Variants in WDFY2 observed in about 807,000 individuals in gnomAD.
WDFY2 encodes the protein WD repeat and FYVE domain-containing protein 2.
A neutral mutation model predicts 56.4 loss-of-function variants in WDFY2; 36 were observed. That is an observed-to-expected ratio of 0.64 (90% CI 0.49 to 0.84). The LOEUF is 0.84. Among genes scored for constraint, WDFY2 ranks in the 40% least tolerant of loss-of-function variants. The probability of loss-of-function intolerance (pLI) is 0.00; values close to 1 mark genes in which losing one functional copy is unlikely to be tolerated. For synonymous variants in WDFY2, 176 were observed against 183.7 expected, an observed-to-expected ratio of 0.96 and a Z score of 0.34; for missense variants, 444 against 512.2, an observed-to-expected ratio of 0.87 and a Z score of 1.29.
Position 51,758,220 on chromosome 13 carries a change from A to C in WDFY2, c.1093A>C (p.Ser365Arg). The C allele has an allele frequency of 6.3e-7, 1 of 1,591,696 alleles. No homozygotes were observed. Among genetic ancestry groups the C allele is most frequent in the Non-Finnish European group, 8.6e-7 (1 of 1,163,134 alleles). Residue 365 changes from serine (S) to arginine (R), a missense_variant, in exon 11 of 12, where the codon AGT (serine) becomes CGT (arginine). Transcript: ENST00000298125. Reference protein sequence around the residue: ...ERAPTATFHDSKHNIVHVHFD... With the variant: ...ERAPTATFHDRKHNIVHVHFD... ...TGCACCCACAGCCACCTTCCATGACAGTAAACATAACATTGTGCATGTGCA... is the reference window on the plus strand; with the variant it reads ...TGCACCCACAGCCACCTTCCATGACCGTAAACATAACATTGTGCATGTGCA...
At chr13:51,652,296 G>A (rs1955406691) in intron 1 of WDFY2, among the ~76,000 whole-genome samples, 1 of 152,146 alleles carries the variant, frequency 6.6e-6, no homozygotes, top group South Asian at 2.1e-4. Flanking sequence ...GCCTATGTGT[G>A]TCTCTGCATG....
chr13:51,696,096 G>C (rs1205090592), intron 3 of WDFY2, among the ~76,000 whole-genome samples: 2 of 152,220 alleles, frequency 1.3e-5, no homozygotes, highest in South Asian at 4.1e-4. Flanking sequence ...TTCTTTGACT[G>C]GGAAAGGGAA....
At chr13:51,699,144 G>T (rs946608534) in intron 3 of WDFY2, among the ~76,000 whole-genome samples, 4 of 152,190 alleles carry the variant, frequency 2.6e-5, no homozygotes, top group African/African-American at 9.7e-5. Context: ...GCTCTGCAAG[G>T]CCACAGATCT....
intron 1 of WDFY2, among the ~76,000 whole-genome samples, chr13:51,629,639 A>G (rs1375463852): frequency 6.6e-6 from 1 of 152,154 alleles, no homozygotes; most frequent in Non-Finnish European, 1.5e-5. Flanking sequence ...TTTTTATACA[A>G]AACTACTGTG....
intron 1 of WDFY2, among the ~76,000 whole-genome samples, chr13:51,630,508 ATTCT>A (rs1375654266): frequency 6.7e-6 from 1 of 148,278 alleles, no homozygotes; most frequent in African/African-American, 2.5e-5. Context: ...TGCCCGCAAC[ATTCT>A]TTCTTTCTTT....
intron 1 of WDFY2, among the ~76,000 whole-genome samples, chr13:51,657,883 T>G (rs1955540229): frequency 1.3e-5 from 2 of 152,358 alleles, no homozygotes; most frequent in Non-Finnish European, 2.9e-5. Flanking sequence ...CTTTGTCTTT[T>G]TAAAACTGTT....
intron 4 of WDFY2, among the ~76,000 whole-genome samples, chr13:51,705,485 A>G (rs1050293962): frequency 1.3e-5 from 2 of 152,086 alleles, no homozygotes; most frequent in African/African-American, 4.8e-5. Flanking sequence ...CACTGTTCTT[A>G]TATAGGGTGA....
intron 9 of WDFY2, among the ~76,000 whole-genome samples, chr13:51,755,674 G>C (rs894655544): frequency 1.3e-5 from 2 of 152,124 alleles, no homozygotes; most frequent in African/African-American, 4.8e-5. Flanking sequence ...TAAGCAGTTA[G>C]GGATGTGATT....
At chr13:51,696,030 A>G (rs976190840) in intron 3 of WDFY2, among the ~76,000 whole-genome samples, 6 of 152,182 alleles carry the variant, frequency 3.9e-5, no homozygotes, top group African/African-American at 9.6e-5. Flanking sequence ...CCCATCGGAA[A>G]AGTGCAGTAT....
At chr13:51,693,569 C>G (rs1951794648) in intron 3 of WDFY2, among the ~76,000 whole-genome samples, 1 of 151,868 alleles carries the variant, frequency 6.6e-6, no homozygotes, top group South Asian at 2.1e-4. Flanking sequence ...AATTTCTGTT[C>G]TTTTACATTT....
At chr13:51,745,364 A>G (rs1226054987) in intron 7 of WDFY2, among the ~76,000 whole-genome samples, 1 of 152,222 alleles carries the variant, frequency 6.6e-6, no homozygotes, top group African/African-American at 2.4e-5. Flanking sequence ...CTGCAGTCCA[A>G]AGGAAAATCC....
At chr13:51,652,870 A>C (rs1474297135) in intron 1 of WDFY2, among the ~76,000 whole-genome samples, 1 of 152,026 alleles carries the variant, frequency 6.6e-6, no homozygotes, top group Non-Finnish European at 1.5e-5. Flanking sequence ...GGTGAATCTG[A>C]TAATTATGTG....
intron 1 of WDFY2, among the ~76,000 whole-genome samples, chr13:51,613,910 G>A (rs956364096): frequency 8.5e-5 from 13 of 152,048 alleles, no homozygotes; most frequent in Admixed American, 1.3e-4. Flanking sequence ...AAGGCCAGGC[G>A]TCCCATGTAA....
intron 3 of WDFY2, among the ~76,000 whole-genome samples, chr13:51,700,699 C>T (rs994043049): frequency 1.3e-5 from 2 of 152,234 alleles, no homozygotes; most frequent in Non-Finnish European, 2.9e-5. Flanking sequence ...GGCGTGGTGG[C>T]TCATGCCTGT....
chr13:51,737,234 G>T (rs759082659), intron 6 of WDFY2, among the ~76,000 whole-genome samples: 2 of 152,032 alleles, frequency 1.3e-5, no homozygotes, highest in African/African-American at 4.8e-5. Flanking sequence ...CTTCCCATGC[G>T]CTAGGTACTG....
intron 3 of WDFY2, among the ~76,000 whole-genome samples, chr13:51,682,811 C>T (rs1003702054): frequency 1.3e-5 from 2 of 152,142 alleles, no homozygotes; most frequent in Non-Finnish European, 2.9e-5. Context: ...TTTGCAGTAA[C>T]CAGGAAGCCT....
At chr13:51,675,078 A>G (rs1955863459) in intron 2 of WDFY2, 92 bp from the exon 3 acceptor site, 2 of 1,108,120 alleles carry the variant, frequency 1.8e-6, no homozygotes, top group South Asian at 1.3e-5. Flanking sequence ...TAGTGGGGAA[A>G]GTACAGCCCC....
chr13:51,671,365 A>G (rs2138490999), intron 2 of WDFY2, among the ~76,000 whole-genome samples: 2 of 152,322 alleles, frequency 1.3e-5, no homozygotes, highest in South Asian at 4.1e-4. Flanking sequence ...CGCCACATCC[A>G]TGCCAACATC....
chr13:51,765,685 A>G lies in WDFY2; in HGVS notation c.*5916A>G, dbSNP rs563644788. Reference sequence around the variant, plus strand: ...CCACATGCCTTTGTTGTCTTCCATCATATCAAGTGAGTTGCTTTCTGGACT... The same window carrying G: ...CCACATGCCTTTGTTGTCTTCCATCGTATCAAGTGAGTTGCTTTCTGGACT... On this transcript the variant is annotated 3_prime_UTR_variant, in exon 12 of 12. Coordinates refer to ENST00000298125, the MANE Select transcript of WDFY2 (RefSeq NM_052950.4). 6.6e-6 allele frequency: 1 copy of G among 152,316 alleles called. No homozygotes were observed. Among genetic ancestry groups the G allele is most frequent in the African/African-American group, 2.4e-5 (1 of 41,558 alleles). The allele number at this position is 152,316 out of a possible 1,614,324, so 9.4% of individuals were successfully genotyped here.
Sources: allele counts gnomAD v4.1 joint callset (sites outside exome capture counted in the v4.1 genomes callset), GRCh38; gene constraint gnomAD v4.1.1; transcripts MANE v1.5; gene names NCBI Gene and HGNC (gene_info 2026-07-23, HGNC 2026-07-21).